The following ASH1L variants were observed in gnomAD, a reference collection of about 807,000 sequenced individuals.
ASH1L encodes histone-lysine N-methyltransferase ASH1L.
ASH1L carries 23 observed loss-of-function variants against 269.0 expected under a neutral mutation model. That is an observed-to-expected ratio of 0.09 (90% CI 0.06 to 0.12). The LOEUF (loss-of-function observed/expected upper bound fraction) is 0.12, where lower values mean the gene tolerates loss of function less well. Ranked by LOEUF, ASH1L falls within the 10% of genes least tolerant of loss-of-function variation. The probability of loss-of-function intolerance (pLI) is 1.00; values close to 1 mark genes in which losing one functional copy is unlikely to be tolerated. For synonymous variants in ASH1L, 1,187 were observed against 1,253.5 expected (o/e 0.95, Z 1.12); for missense variants, 2,912 against 3,567.8 (o/e 0.82, Z 4.68).
intron 17 of ASH1L, among the ~76,000 whole-genome samples, chr1:155,350,920 T>TAAA (rs71077999): frequency 2.2e-5 from 3 of 134,126 alleles, no homozygotes; most frequent in African/African-American, 8.5e-5. Context: ...GACTCCGTCC[T>TAAA]AAAAAAAAAA....
intron 4 of ASH1L, among the ~76,000 whole-genome samples, chr1:155,442,036 G>A (rs1369553123): frequency 6.6e-6 from 1 of 151,948 alleles, no homozygotes; most frequent in East Asian, 1.9e-4. Flanking sequence ...CAAAGTGTTG[G>A]GATTATAGGT....
chr1:155,424,852 C>A (rs1047586229), intron 5 of ASH1L, among the ~76,000 whole-genome samples: 10 of 152,174 alleles, frequency 6.6e-5, no homozygotes, highest in Admixed American at 6.5e-4. Flanking sequence ...TTTGCCCAGG[C>A]TGGAGTGCAA....
intron 4 of ASH1L, among the ~76,000 whole-genome samples, chr1:155,457,567 C>T (rs1053412745): frequency 2.0e-5 from 3 of 152,182 alleles, no homozygotes; most frequent in African/African-American, 7.2e-5. Context: ...ATATCTTCTT[C>T]AGTCATTTCA....
At chr1:155,373,074 G>C (rs575644417) in intron 10 of ASH1L, among the ~76,000 whole-genome samples, 1 of 151,904 alleles carries the variant, frequency 6.6e-6, no homozygotes, top group Non-Finnish European at 1.5e-5. Flanking sequence ...TTAGCTGGGC[G>C]TGGTGGTATG....
intron 6 of ASH1L, among the ~76,000 whole-genome samples, chr1:155,398,955 A>G (rs1271873815): frequency 6.6e-6 from 1 of 151,664 alleles, no homozygotes; most frequent in African/African-American, 2.4e-5. Flanking sequence ...CTGGTCTTCA[A>G]CTCCTGGGCT....
intron 13 of ASH1L, among the ~76,000 whole-genome samples, chr1:155,358,192 A>C (rs1042651286): frequency 6.6e-6 from 1 of 152,196 alleles, no homozygotes; most frequent in Non-Finnish European, 1.5e-5. Context: ...ACTGATTGAG[A>C]GTATAAATAG....
intron 3 of ASH1L, among the ~76,000 whole-genome samples, chr1:155,469,941 A>G (rs1570909609): frequency 6.6e-6 from 1 of 152,184 alleles, no homozygotes; most frequent in African/African-American, 2.4e-5. Flanking sequence ...TGATCTGCCT[A>G]TCTTTCCAGT....
chr1:155,406,844 T>A (rs1051241297), intron 6 of ASH1L, among the ~76,000 whole-genome samples: 2 of 152,096 alleles, frequency 1.3e-5, no homozygotes, highest in Non-Finnish European at 2.9e-5. Flanking sequence ...ACAATTTATA[T>A]CACGGACAAA....
intron 1 of ASH1L, among the ~76,000 whole-genome samples, chr1:155,538,233 G>A: frequency 6.6e-6 from 1 of 151,788 alleles, no homozygotes; most frequent in Admixed American, 6.6e-5. Flanking sequence ...TTTGGAGATG[G>A]GGTTTCACCA....
chr1:155,504,854 CAA>C (rs397860297), intron 2 of ASH1L, among the ~76,000 whole-genome samples: 29 of 77,080 alleles, frequency 3.8e-4, no homozygotes, highest in Admixed American at 4.5e-4. Flanking sequence ...AACTCCATCT[CAA>C]AAAAAAAAAA....
chr1:155,342,133 A>G lies in ASH1L; in HGVS notation c.8294-31T>C, dbSNP rs753882445. On this transcript the variant is annotated intron_variant, in intron 24 of 27. Coordinates refer to ENST00000392403, the MANE Select transcript of ASH1L (RefSeq NM_018489.3). ...GGTCCAACCAGTGTTAAGGAATCCTATTTAGCCATTTCTCCCCCTGAGCTG... is the reference window on the plus strand; with the variant it reads ...GGTCCAACCAGTGTTAAGGAATCCTGTTTAGCCATTTCTCCCCCTGAGCTG... 2.5e-6 allele frequency: 4 copies of G among 1,607,040 alleles called. No individual in the cohort carries two copies. The South Asian group carries it at 3.3e-5, about 13-fold the overall frequency.
intron 5 of ASH1L, among the ~76,000 whole-genome samples, chr1:155,437,428 T>TA (rs553015396): frequency 6.7e-5 from 10 of 149,918 alleles, no homozygotes; most frequent in Non-Finnish European, 1.0e-4. Flanking sequence ...ATGGCTGCTA[T>TA]AAAAAAAAAA....
intron 16 of ASH1L, among the ~76,000 whole-genome samples, 170 bp downstream of exon 16, chr1:155,354,303 C>T (rs1304110708): frequency 6.6e-6 from 1 of 152,096 alleles, no homozygotes; most frequent in Non-Finnish European, 1.5e-5. Flanking sequence ...ATTAGCCGGG[C>T]ATGGTGGCGG....
At chr1:155,371,541 C>A (rs1186050948) in intron 10 of ASH1L, among the ~76,000 whole-genome samples, 1 of 151,928 alleles carries the variant, frequency 6.6e-6, no homozygotes, top group Non-Finnish European at 1.5e-5. Context: ...GAGTGAGACT[C>A]CGTCTCAAAA....
chr1:155,428,522 A>C (rs1006091428), intron 5 of ASH1L, among the ~76,000 whole-genome samples: 3 of 152,118 alleles, frequency 2.0e-5, no homozygotes, highest in African/African-American at 7.2e-5. Context: ...ACTGGCCATA[A>C]ACAAAATCTC....
intron 13 of ASH1L, among the ~76,000 whole-genome samples, chr1:155,359,528 G>T (rs1258969989): frequency 6.6e-6 from 1 of 152,078 alleles, no homozygotes; most frequent in East Asian, 1.9e-4. Flanking sequence ...GCCTGCCTTG[G>T]CCTCCCAAAG....
rs772773866 is a variant in ASH1L at position 155,357,384 on chromosome 1, A to C, written c.6987T>G (p.Ser2329Arg). 6.2e-7 allele frequency: 1 copy of C among 1,613,746 alleles called. No individual in the cohort carries two copies. Among genetic ancestry groups the C allele is most frequent in the South Asian group, 1.1e-5 (1 of 91,068 alleles). ...KRRGHLSEEP[S>R]ENINTPTRLT... is the part of the protein sequence containing the mutation. ...ATCTAGTTGGGGTGTTGATATTTTC[A>C]CTGGGTTCCTCAGAGAGATGGCCTC... Residue 2329 changes from serine to arginine, a missense_variant, in exon 15 of 28, where the codon AGT becomes AGG. By Grantham distance (110) the Ser-to-Arg change is moderately radical. Coordinates refer to ENST00000392403, the MANE Select transcript of ASH1L (RefSeq NM_018489.3).
chr1:155,490,270 G>C (rs1036364527), intron 2 of ASH1L, among the ~76,000 whole-genome samples: 4 of 151,818 alleles, frequency 2.6e-5, no homozygotes, highest in African/African-American at 9.7e-5. Flanking sequence ...GGCCAAAAAA[G>C]ACTTTTTATT....
chr1:155,434,047 C>T (rs760578310), intron 5 of ASH1L: 1 of 1,591,918 alleles, frequency 6.3e-7, no homozygotes, highest in Admixed American at 1.8e-5. Flanking sequence ...AGCAATCAAG[C>T]AGCGACTATG....
Sources: gnomAD v4.1 joint callset for allele counts (sites outside exome capture counted in the v4.1 genomes callset) on GRCh38, gnomAD v4.1.1 for gene constraint, MANE v1.5 for transcripts, NCBI Gene and HGNC (gene_info 2026-07-23, HGNC 2026-07-21) for gene names.